The following PCNX2 variants were observed in gnomAD, a reference collection of about 807,000 sequenced individuals.
The protein encoded by PCNX2 is pecanex 2.
PCNX2 carries 168 observed loss-of-function variants against 223.8 expected under a neutral mutation model. The ratio of observed to expected loss-of-function variants is 0.75; its 90% confidence interval spans 0.66 to 0.85. The LOEUF (loss-of-function observed/expected upper bound fraction) is 0.85. Ranked by LOEUF, PCNX2 falls within the 40% of genes least tolerant of loss-of-function variation. PCNX2 has a pLI of 0.00. For missense variants in PCNX2, 2,507 were observed against 2,675.5 expected (o/e 0.94, Z 1.39); for synonymous variants, 1,006 against 1,052.6 (o/e 0.96, Z 0.86).
chr1:233,122,112 GGAGA>G (rs3033288), intron 21 of PCNX2, among the ~76,000 whole-genome samples: 20,010 of 143,512 alleles, frequency 0.14, 1,399 homozygotes, highest in East Asian at 0.2. Context: ...ACACACAGAG[GGAGA>G]GAGAGAGAGA....
At chr1:233,004,353 A>G (rs556975549) in intron 28 of PCNX2, among the ~76,000 whole-genome samples, 10 of 152,304 alleles carry the variant, frequency 6.6e-5, no homozygotes. Flanking sequence ...GTATCACCCA[A>G]GGGAAATCTC....
chr1:233,129,368 C>G (rs1676307712), intron 21 of PCNX2, among the ~76,000 whole-genome samples: 1 of 152,164 alleles, frequency 6.6e-6, no homozygotes, highest in African/African-American at 2.4e-5. Flanking sequence ...GACCTGCAGC[C>G]CGCCATGCCT....
intron 19 of PCNX2, among the ~76,000 whole-genome samples, chr1:233,156,962 T>A (rs1452563979): frequency 1.3e-5 from 2 of 152,130 alleles, no homozygotes; most frequent in East Asian, 3.9e-4. Flanking sequence ...ACTTGAAGCA[T>A]GAGCAGCCTG....
chr1:232,997,141 A>G (rs1669904931), intron 32 of PCNX2, among the ~76,000 whole-genome samples: 1 of 152,162 alleles, frequency 6.6e-6, no homozygotes, highest in Non-Finnish European at 1.5e-5. Context: ...CCTTTAAATA[A>G]TGAAGTCCCC....
chr1:233,047,661 T>G (rs1671866269), intron 25 of PCNX2, among the ~76,000 whole-genome samples: 1 of 152,212 alleles, frequency 6.6e-6, no homozygotes, highest in Non-Finnish European at 1.5e-5. Context: ...TTAACTATCC[T>G]AAATATATAT....
chr1:233,315,720 C>G, the PCNX2 span, among the ~76,000 whole-genome samples: 1 of 152,038 alleles, frequency 6.6e-6, no homozygotes, highest in Non-Finnish European at 1.5e-5. Context: ...GGTAGTATGA[C>G]CAACTTTTGG....
intron 26 of PCNX2, chr1:233,019,105 T>C (rs971431528): frequency 6.1e-6 from 6 of 985,266 alleles, no homozygotes; most frequent in Middle Eastern, 5.2e-4. Flanking sequence ...TTTAGGACTT[T>C]AGCAGGTGAA....
In PCNX2 at chr1:233,135,093, T is replaced by A; in HGVS notation, c.3757A>T (p.Ile1253Phe). The A allele has an allele frequency of 3.7e-6, 6 of 1,613,098 alleles. No homozygotes were observed. Among genetic ancestry groups the A allele is most frequent in the Non-Finnish European group, 5.1e-6 (6 of 1,179,052 alleles). Reference sequence around the variant, plus strand: ...TCTTTGTAGTCAAAGTGGAAAAAGATGACAGTGAAGCTCAAGTTAATAAAC... The same window carrying A: ...TCTTTGTAGTCAAAGTGGAAAAAGAAGACAGTGAAGCTCAAGTTAATAAAC... The part of the protein sequence containing the change: ...YQFINLSFTV[I>F]FFHFDYKDIS... Residue 1253 changes from isoleucine to phenylalanine, a missense_variant, in exon 21 of 34, where the codon ATC becomes TTC. Around this residue, in one of 3 missense-constraint regions of PCNX2, gnomAD observed 1,372 missense variants for 1,509.4 expected, o/e 0.91. Coordinates refer to ENST00000258229, the MANE Select transcript of PCNX2 (RefSeq NM_014801.4).
intron 12 of PCNX2, 104 bp downstream of exon 12, chr1:233,217,795 A>G: frequency 1.7e-6 from 2 of 1,195,328 alleles, no homozygotes; most frequent in Non-Finnish European, 2.4e-6. Flanking sequence ...TATTCAGTAT[A>G]GAGAGCTAGG....
intron 15 of PCNX2, among the ~76,000 whole-genome samples, chr1:233,190,326 T>C (rs1680348363): frequency 6.6e-6 from 1 of 152,114 alleles, no homozygotes; most frequent in African/African-American, 2.4e-5. Flanking sequence ...TGATTGAAGA[T>C]GGGTGAGCTT....
At chr1:233,033,390 G>GGATACTAGGA (rs1558177767) in intron 25 of PCNX2, among the ~76,000 whole-genome samples, 1 of 152,214 alleles carries the variant, frequency 6.6e-6, no homozygotes, top group Non-Finnish European at 1.5e-5. Context: ...AGGATACCCA[G>GGATACTAGGA]TACATTTACT....
chr1:233,193,851 T>G (rs1214463251), intron 15 of PCNX2, among the ~76,000 whole-genome samples: 3 of 151,888 alleles, frequency 2.0e-5, no homozygotes, highest in Admixed American at 2.0e-4. Flanking sequence ...AGTAAAATTA[T>G]TAAAACTAAA....
intron 17 of PCNX2, among the ~76,000 whole-genome samples, chr1:233,171,205 C>A (rs1679134661): frequency 6.6e-6 from 1 of 152,048 alleles, no homozygotes; most frequent in Admixed American, 6.6e-5. Flanking sequence ...TGGTTTAATG[C>A]AGTTAATATT....
intron 1 of PCNX2, among the ~76,000 whole-genome samples, chr1:233,275,785 A>C (rs1250145695): frequency 6.6e-6 from 1 of 151,978 alleles, no homozygotes; most frequent in Non-Finnish European, 1.5e-5. Context: ...TAATCCCAGC[A>C]CTTTGTGAGG....
chr1:233,084,279 C>T (rs375129929), intron 23 of PCNX2, among the ~76,000 whole-genome samples: 1 of 152,124 alleles, frequency 6.6e-6, no homozygotes, highest in African/African-American at 2.4e-5. Context: ...TTAAGTAGAA[C>T]CAATTATTTC....
intron 21 of PCNX2, among the ~76,000 whole-genome samples, chr1:233,103,273 T>C (rs1385805442): frequency 6.6e-6 from 1 of 152,182 alleles, no homozygotes; most frequent in Admixed American, 6.5e-5. Context: ...TCCTTTGTGT[T>C]ATAAATAATC....
intron 32 of PCNX2, among the ~76,000 whole-genome samples, chr1:232,995,907 G>C (rs564984770): frequency 2.6e-5 from 4 of 152,224 alleles, no homozygotes; most frequent in South Asian, 2.1e-4. Context: ...ACCCAGGCTG[G>C]AGTGCTGTGG....
intron 28 of PCNX2, among the ~76,000 whole-genome samples, chr1:233,009,436 A>C (rs1411926257): frequency 1.1e-4 from 17 of 152,244 alleles, no homozygotes; most frequent in Non-Finnish European, 2.5e-4. Flanking sequence ...CTTCAAATAA[A>C]TCATAAGTGT....
At position 233,269,230 on chromosome 1, in the gene PCNX2, A is replaced by T. The variant is rs577394448; in HGVS notation, c.154-6067T>A. 9.8e-5 allele frequency among the ~76,000 whole-genome samples: 15 copies of T among 152,322 alleles called. No individual in the cohort carries two copies. In the East Asian group the frequency reaches 2.7e-3, roughly 27 times the overall value. On this transcript the variant is annotated intron_variant, in intron 1 of 33. Coordinates refer to ENST00000258229, the MANE Select transcript of PCNX2 (RefSeq NM_014801.4). ...AGTTCTTGAACTTAACTGGAAAGGG[A>T]GCTGCTCAGAGCTTCACTAGATGTT...
Sources: allele counts gnomAD v4.1 joint callset (sites outside exome capture counted in the v4.1 genomes callset), GRCh38; gene constraint gnomAD v4.1.1; regional missense constraint gnomAD v4.1.1; transcripts MANE v1.5; gene names NCBI Gene and HGNC (gene_info 2026-07-23, HGNC 2026-07-21).